STPG2: variants seen among roughly 807,000 people sequenced by gnomAD.
STPG2 encodes sperm tail PG-rich repeat containing 2, also known as sperm-tail PG-rich repeat-containing protein 2.
A neutral mutation model predicts 54.2 loss-of-function variants in STPG2; 56 were observed. The observed-to-expected ratio is 1.03, with a 90% CI of 0.83 to 1.29. The LOEUF is 1.29. Ranked by LOEUF, STPG2 falls within the 50% of genes most tolerant of loss-of-function variation. STPG2 has a pLI of 0.00. For synonymous variants in STPG2, 200 were observed against 181.8 expected (o/e 1.10, Z -0.81); for missense variants, 596 against 544.9 (o/e 1.09, Z -0.93).
intron 3 of STPG2, among the ~76,000 whole-genome samples, chr4:98,120,797 G>A (rs1489957588): frequency 1.3e-5 from 2 of 152,070 alleles, no homozygotes; most frequent in African/African-American, 4.8e-5. Flanking sequence ...TATAGACTTT[G>A]GATATTAGAC....
At chr4:97,992,470 G>T (rs543050000) in intron 5 of STPG2, among the ~76,000 whole-genome samples, 3 of 152,188 alleles carry the variant, frequency 2.0e-5, no homozygotes, top group Admixed American at 6.5e-5. Context: ...GCCTATTTCT[G>T]TATCAGTACC....
chr4:97,535,713 T>C (rs993905635), intron 4 of STPG2, among the ~76,000 whole-genome samples: 1 of 152,282 alleles, frequency 6.6e-6, no homozygotes, highest in South Asian at 2.1e-4. Flanking sequence ...ATGCACTTGG[T>C]GGTGTTTTAT....
intron 8 of STPG2, among the ~76,000 whole-genome samples, chr4:97,842,092 T>G (rs1187529896): frequency 6.6e-6 from 1 of 151,868 alleles, no homozygotes; most frequent in Non-Finnish European, 1.5e-5. Flanking sequence ...CATTTTTTCT[T>G]GTTCCTTACA....
In STPG2 at chr4:98,021,291, A is replaced by G. The variant is rs1194650348; in HGVS notation, c.613-39973T>C. Among the ~76,000 whole-genome samples the G allele has an allele frequency of 7.2e-5, 9 of 125,366 alleles. 2 individuals carry two copies. The highest frequency in any genetic ancestry group is 2.8e-4 in the African/African-American group (9 of 32,032). 82.2% of individuals were successfully genotyped at this position (125,366 alleles called of 152,430 possible). A position where few individuals can be genotyped will look rare whatever the true frequency, so the allele number is the denominator to read the frequency against. The stretch of plus-strand genomic sequence containing the variant: ...TTTGTTATTTACCCAGTAGTCATTC[A>G]GGAGCAGGTTGTTCAGTTTCCATGT... On this transcript the variant is annotated intron_variant, in intron 5 of 10. Transcript: ENST00000295268.
intron 4 of STPG2, among the ~76,000 whole-genome samples, chr4:97,534,704 T>C (rs1419560055): frequency 6.6e-6 from 1 of 152,192 alleles, no homozygotes; most frequent in Non-Finnish European, 1.5e-5. Flanking sequence ...TATGCAGTCA[T>C]GTAACCACTA....
chr4:98,135,958 G>C (rs1309781064), intron 1 of STPG2, among the ~76,000 whole-genome samples: 4 of 151,588 alleles, frequency 2.6e-5, no homozygotes, highest in Non-Finnish European at 5.9e-5. Flanking sequence ...AATTACCAGA[G>C]AGTGTACTTT....
chr4:97,806,989 A>G (rs1727587171), intron 9 of STPG2, among the ~76,000 whole-genome samples: 2 of 152,068 alleles, frequency 1.3e-5, no homozygotes, highest in African/African-American at 4.8e-5. Flanking sequence ...CAGTAGAATA[A>G]ACTGTTCAAT....
chr4:97,491,019 AT>A (rs1017444247), intron 4 of STPG2, among the ~76,000 whole-genome samples: 1 of 151,202 alleles, frequency 6.6e-6, no homozygotes, highest in African/African-American at 2.4e-5. Flanking sequence ...TTTTTGGATT[AT>A]TTTTTCCTAA....
At chr4:97,901,198 T>A (rs1731163635) in intron 8 of STPG2, among the ~76,000 whole-genome samples, 1 of 151,812 alleles carries the variant, frequency 6.6e-6, no homozygotes, top group African/African-American at 2.4e-5. Context: ...AAAATGAAAA[T>A]AAAGGCCATG....
chr4:97,823,697 A>T (rs1417624208), intron 9 of STPG2, among the ~76,000 whole-genome samples: 1 of 152,074 alleles, frequency 6.6e-6, no homozygotes. Flanking sequence ...CACAGAAGGG[A>T]TGATACTGAA....
At chr4:97,994,442 C>T (rs1735133037) in intron 5 of STPG2, among the ~76,000 whole-genome samples, 1 of 152,142 alleles carries the variant, frequency 6.6e-6, no homozygotes, top group Non-Finnish European at 1.5e-5. Flanking sequence ...GTATATTCTG[C>T]AGTTGTTGGG....
chr4:97,842,346 GA>G (rs1253872332), intron 8 of STPG2, among the ~76,000 whole-genome samples: 8 of 151,848 alleles, frequency 5.3e-5, no homozygotes, highest in Non-Finnish European at 1.2e-4. Context: ...ATAAGCAACA[GA>G]GGCAATATTT....
chr4:98,042,414 G>C (rs1736991036), intron 5 of STPG2, among the ~76,000 whole-genome samples: 1 of 151,662 alleles, frequency 6.6e-6, no homozygotes, highest in African/African-American at 2.4e-5. Context: ...AGGTGTAACA[G>C]TAGGTTACTA....
At chr4:97,568,110 C>T (rs1188343648) in intron 10 of STPG2, among the ~76,000 whole-genome samples, 1 of 152,072 alleles carries the variant, frequency 6.6e-6, no homozygotes, top group African/African-American at 2.4e-5. Context: ...CATAGCCACA[C>T]TGAGAGGGAA....
intron 8 of STPG2, among the ~76,000 whole-genome samples, chr4:97,853,648 T>G (rs1369453216): frequency 6.6e-6 from 1 of 152,224 alleles, no homozygotes; most frequent in Non-Finnish European, 1.5e-5. Flanking sequence ...CAAAATACTT[T>G]TAACTTCATA....
At chr4:97,475,457 T>C (rs747803896) in intron 4 of STPG2, among the ~76,000 whole-genome samples, 1 of 149,400 alleles carries the variant, frequency 6.7e-6, no homozygotes, top group Non-Finnish European at 1.5e-5. Context: ...CTAACATATA[T>C]GTATATATGT....
intron 4 of STPG2, among the ~76,000 whole-genome samples, chr4:97,526,899 G>A (rs1731292714): frequency 6.6e-6 from 1 of 151,936 alleles, no homozygotes; most frequent in Non-Finnish European, 1.5e-5. Flanking sequence ...CATATGCCTA[G>A]CCAGGTTTCC....
At chr4:98,015,707 G>T (rs1428929866) in intron 5 of STPG2, among the ~76,000 whole-genome samples, 5 of 152,112 alleles carry the variant, frequency 3.3e-5, no homozygotes, top group Non-Finnish European at 7.4e-5. Context: ...CCATTACTGG[G>T]TATATACTCA....
intron 10 of STPG2, among the ~76,000 whole-genome samples, chr4:97,694,812 CAAAAAAAAAAAAAAAAAAA>C (rs70953083): frequency 1.1e-3 from 50 of 44,046 alleles, no homozygotes; most frequent in Middle Eastern, 0.077. Flanking sequence ...GACTCTGTCA[CAAAAAAAAAAAAAAAAAAA>C]AAAAAAAAAA....
Sources: allele counts gnomAD v4.1 joint callset (sites outside exome capture counted in the v4.1 genomes callset), GRCh38; gene constraint gnomAD v4.1.1; transcripts MANE v1.5; gene names NCBI Gene and HGNC (gene_info 2026-07-23, HGNC 2026-07-21).